SLC25A1: variants seen among roughly 807,000 people sequenced by gnomAD.
SLC25A1 encodes tricarboxylate transport protein, mitochondrial.
SLC25A1 carries 26 observed loss-of-function variants against 38.1 expected under a neutral mutation model. The ratio of observed to expected loss-of-function variants is 0.68; its 90% confidence interval spans 0.50 to 0.95. SLC25A1 has a LOEUF of 0.95. Among genes scored for constraint, SLC25A1 ranks in the 40% least tolerant of loss-of-function variants. SLC25A1 has a pLI of 0.00. For synonymous variants in SLC25A1, 211 were observed against 183.2 expected (o/e 1.15, Z -1.23); for missense variants, 378 against 426.6 (o/e 0.89, Z 1.00).
rs1273672043 is a variant in SLC25A1, at chr22:19,175,767, C to T, written c.*363G>A. The T allele has an allele frequency of 1.9e-5, 4 of 215,506 alleles. No homozygotes were observed. The highest frequency in any genetic ancestry group is 3.6e-5 in the Non-Finnish European group (4 of 111,206). 13.3% of individuals were successfully genotyped at this position (215,506 alleles called of 1,614,324 possible). On this transcript the variant is annotated 3_prime_UTR_variant, in exon 9 of 9. Coordinates refer to ENST00000215882, the MANE Select transcript of SLC25A1 (RefSeq NM_005984.5). The stretch of plus-strand genomic sequence containing the variant: ...CGGAGGCAGCTGTGGTAGGCCAGGG[C>T]AGGGTGGAAGGCACCGGACTGGGAC...
chr22:19,178,112 C>T lies in SLC25A1; in HGVS notation c.202+21G>A, dbSNP rs1327254064. The T allele has an allele frequency of 1.3e-6, 2 of 1,533,842 alleles. No homozygotes were observed. Among genetic ancestry groups the T allele is most frequent in the Non-Finnish European group, 1.8e-6 (2 of 1,140,444 alleles). ...CCCTGGGTACCCGCCCCCCGCGGCGCCGCGGCCTCCCCCTCCTCACCGATG... is the reference window on the plus strand; with the variant it reads ...CCCTGGGTACCCGCCCCCCGCGGCGTCGCGGCCTCCCCCTCCTCACCGATG... On this transcript the variant is annotated intron_variant, in intron 2 of 8. Coordinates refer to ENST00000215882, the MANE Select transcript of SLC25A1 (RefSeq NM_005984.5). The surrounding 1 kb of genome is among the most constrained non-coding windows in gnomAD (Gnocchi z 4.9).
At position 19,176,346 on chromosome 22, in the gene SLC25A1, G is replaced by A. The variant is rs961630486; in HGVS notation, c.821+75C>T. On this transcript the variant is annotated intron_variant, in intron 8 of 8. Transcript: ENST00000215882. The stretch of plus-strand genomic sequence containing the variant: ...AGTGAGAGGCACAGAGGCCTGAAGG[G>A]GACAGAGTGGGCAGGCCAGGTAGGC... 2.6e-6 allele frequency: 4 copies of A among 1,563,386 alleles called. No individual in the cohort carries two copies. In the African/African-American group the frequency reaches 4.1e-5, roughly 16 times the overall value.
At position 19,178,159 on chromosome 22, in the gene SLC25A1, G is replaced by A. The variant is rs2084000468; in HGVS notation, c.176C>T (p.Ser59Leu). 6 of 1,546,944 alleles carry A rather than the reference G, an allele frequency of 3.9e-6. No homozygotes were observed. Among genetic ancestry groups the A allele is most frequent in the Non-Finnish European group, 4.4e-6 (5 of 1,146,148 alleles). The change falls in exon 2 of 9, where the codon TCG (serine) becomes TTG (leucine). Residue 59 changes from serine (S) to leucine (L), a missense_variant. Transcript: ENST00000215882. The surrounding 1 kb of genome is among the most constrained non-coding windows in gnomAD (Gnocchi z 4.9). The stretch of plus-strand genomic sequence containing the variant: ...GATGCCCCGGTACCGCGGCGGGTGC[G>A]AGCGCTCGTCCAGCTGCAGCTGCGT... ...VKTQLQLDER[S>L]HPPRYRGIGD... is the part of the protein sequence containing the mutation.
At position 19,176,055 on chromosome 22, in the gene SLC25A1, C is replaced by T; in HGVS notation, c.*75G>A. 8.7e-7 allele frequency: 1 copy of T among 1,145,876 alleles called. No individual in the cohort carries two copies. Among genetic ancestry groups the T allele is most frequent in the Non-Finnish European group, 1.2e-6 (1 of 807,640 alleles). The allele number at this position is 1,145,876 out of a possible 1,614,324, so 71.0% of individuals were successfully genotyped here. A position where few individuals can be genotyped will look rare whatever the true frequency, so the allele number is the denominator to read the frequency against. ...GGGAAGGGGCCTTTTGGCACTACTG[C>T]ACTGGAATCGTGAGACAAAGGTAGC... On this transcript the variant is annotated 3_prime_UTR_variant, in exon 9 of 9. Transcript: ENST00000215882.
chr22:19,177,582 G>T, intron 4 of SLC25A1, 145 bp downstream of exon 4: 1 of 1,118,970 alleles, frequency 8.9e-7, no homozygotes, highest in South Asian at 1.5e-5. Context: ...TCCTGCCCCA[G>T]GGCCCCGCGG....
rs1306191501 is a variant in SLC25A1 at position 19,176,590 on chromosome 22, C to T, written c.735G>A (p.Lys245=). ...VFGNTPLDVI[K]TRMQGLEAHK... is the part of the protein sequence containing the mutation. ...CCGGCCCCACCACCTGCATCCGGGTCTTAATCACATCCAGAGGAGTGTTTC... is the reference window on the plus strand; with the variant it reads ...CCGGCCCCACCACCTGCATCCGGGTTTTAATCACATCCAGAGGAGTGTTTC... The change falls in exon 7 of 9, where the codon AAG becomes AAA. Residue 245 remains lysine (K), a synonymous_variant. Coordinates refer to ENST00000215882, the MANE Select transcript of SLC25A1 (RefSeq NM_005984.5). The T allele has an allele frequency of 6.2e-7, 1 of 1,613,468 alleles. No individual in the cohort carries two copies. The highest frequency in any genetic ancestry group is 1.7e-5 in the Admixed American group (1 of 60,006).
chr22:19,178,052 G>A lies in SLC25A1; in HGVS notation c.203-11C>T, dbSNP rs1458012353. On this transcript the variant is annotated splice_polypyrimidine_tract_variant and intron_variant, in intron 2 of 8. Coordinates refer to ENST00000215882, the MANE Select transcript of SLC25A1 (RefSeq NM_005984.5). The surrounding 1 kb of genome is among the most constrained non-coding windows in gnomAD (Gnocchi z 4.9). ...GCCGCACGCAGTCCCCTGGGGGAGGGGGCGGTCAGGACCCCACGGCCCTCG... is the reference window on the plus strand; with the variant it reads ...GCCGCACGCAGTCCCCTGGGGGAGGAGGCGGTCAGGACCCCACGGCCCTCG... 3.8e-6 allele frequency: 6 copies of A among 1,575,368 alleles called. No individual in the cohort carries two copies. The African/African-American group carries it at 4.0e-5, about 11-fold the overall frequency.
Position 19,178,711 on chromosome 22 carries a change from G to T in SLC25A1, c.-38C>A. On this transcript the variant is annotated 5_prime_UTR_variant, in exon 1 of 9. Transcript: ENST00000215882. This position sits in a 1 kb window ranked among gnomAD's most constrained non-coding sequence, Gnocchi z 4.9. ...GCGGGGCGCCCTGTGGCGGCTTCGG[G>T]TCCGAGACTCCAGAACTCCGCGCTC... 6.2e-6 allele frequency: 6 copies of T among 973,792 alleles called. No homozygotes were observed. Among genetic ancestry groups the T allele is most frequent in the Non-Finnish European group, 7.5e-6 (6 of 795,958 alleles). 60.3% of individuals were successfully genotyped at this position (973,792 alleles called of 1,614,324 possible). A position where few individuals can be genotyped will look rare whatever the true frequency, so the allele number is the denominator to read the frequency against.
rs782407543 is a variant in SLC25A1, at chr22:19,176,383, T to A, written c.821+38A>T. On this transcript the variant is annotated intron_variant, in intron 8 of 8. Coordinates refer to ENST00000215882, the MANE Select transcript of SLC25A1 (RefSeq NM_005984.5). ...CAGGCCAGGTAGGCCGGGAAAGGTT[T>A]GAGGTGGGGACAATAGCCCTGCCCC... is the stretch of plus-strand genomic sequence containing the variant. 14 of 1,605,636 alleles carry A rather than the reference T, an allele frequency of 8.7e-6. 1 individual carries two copies. Among genetic ancestry groups the A allele is most frequent in the Non-Finnish European group, 8.5e-7 (1 of 1,173,226 alleles).
In SLC25A1 at chr22:19,176,857, T is replaced by A; in HGVS notation, c.620A>T (p.Asn207Ile). Residue 207 changes from asparagine (N) to isoleucine (I), a missense_variant, in exon 6 of 9, where the codon AAC becomes ATC. Physicochemically the swap from Asn to Ile is moderately radical, Grantham distance 149 (BLOSUM62 -3). Coordinates refer to ENST00000215882, the MANE Select transcript of SLC25A1 (RefSeq NM_005984.5). The part of the protein sequence containing the change: ...IRFFVMTSLR[N>I]WYRGDNPNKP... ...TGATGCAGACACACCTCGGTACCAG[T>A]TGCGCAGGGAGGTCATGACGAAGAA... 6.2e-7 allele frequency: 1 copy of A among 1,613,690 alleles called. No homozygotes were observed. Among genetic ancestry groups the A allele is most frequent in the Non-Finnish European group, 8.5e-7 (1 of 1,179,944 alleles).
At position 19,178,387 on chromosome 22, in the gene SLC25A1, C is replaced by G; in HGVS notation, c.95-147G>C. 7.1e-7 allele frequency: 1 copy of G among 1,409,746 alleles called. No homozygotes were observed. The highest frequency in any genetic ancestry group is 9.2e-7 in the Non-Finnish European group (1 of 1,085,752). 87.3% of individuals were successfully genotyped at this position (1,409,746 alleles called of 1,614,324 possible). A position where few individuals can be genotyped will look rare whatever the true frequency, so the allele number is the denominator to read the frequency against. ...GGGCCCCACGCCCCCATGCCCTCAC[C>G]CCGTTGTCCCGGCGAGGCGCAGGGG... On this transcript the variant is annotated intron_variant, in intron 1 of 8. Transcript: ENST00000215882. This position sits in a 1 kb window ranked among gnomAD's most constrained non-coding sequence, Gnocchi z 4.9.
In SLC25A1 at chr22:19,176,049, C is replaced by T; in HGVS notation, c.*81G>A. On this transcript the variant is annotated 3_prime_UTR_variant, in exon 9 of 9. Transcript: ENST00000215882. ...GGACGTGGGAAGGGGCCTTTTGGCA[C>T]TACTGCACTGGAATCGTGAGACAAA... The T allele has an allele frequency of 8.9e-7, 1 of 1,125,600 alleles. No individual in the cohort carries two copies. The highest frequency in any genetic ancestry group is 1.3e-5 in the South Asian group (1 of 79,478). 69.7% of individuals were successfully genotyped at this position (1,125,600 alleles called of 1,614,324 possible). A position where few individuals can be genotyped will look rare whatever the true frequency, so the allele number is the denominator to read the frequency against.
chr22:19,177,617 T>C (rs1285426266), intron 4 of SLC25A1, 110 bp downstream of exon 4: 57 of 1,479,772 alleles, frequency 3.9e-5, no homozygotes, highest in Middle Eastern at 2.4e-4. Flanking sequence ...TTCCCTGGCG[T>C]CCAGGAGACC....
rs782807625 is a variant in SLC25A1 at position 19,176,898 on chromosome 22, C to T, written c.579G>A (p.Ser193=). The T allele has an allele frequency of 7.4e-6, 12 of 1,613,660 alleles. No homozygotes were observed. The highest frequency in any genetic ancestry group is 1.6e-4 in the Middle Eastern group (1 of 6,080). Residue 193 remains serine (S), a synonymous_variant, in exon 6 of 9, where the codon TCG becomes TCA. Transcript: ENST00000215882. ...TGACGAAGAAGCGGATGGCCTGGTTCGAGCCCTGCTTCAGGACAGTGGCTG... is the reference window on the plus strand; with the variant it reads ...TGACGAAGAAGCGGATGGCCTGGTTTGAGCCCTGCTTCAGGACAGTGGCTG... ...GLTATVLKQG[S]NQAIRFFVMT... is the part of the protein sequence containing the mutation.
rs1218036198 is a variant in SLC25A1 at position 19,176,691 on chromosome 22, C to A, written c.634G>T (p.Asp212Tyr). ...MTSLRNWYRG[D>Y]NPNKPMNPLI... is the part of the protein sequence containing the mutation. ...GGGTTCATGGGCTTGTTGGGGTTGTCCCCTGGATATAGGAGGGGTGAGGTG... is the reference window on the plus strand; with the variant it reads ...GGGTTCATGGGCTTGTTGGGGTTGTACCCTGGATATAGGAGGGGTGAGGTG... The change falls in exon 7 of 9, where the codon GAC becomes TAC. Residue 212 changes from aspartate to tyrosine, a missense_variant and splice_region_variant. Transcript: ENST00000215882. 1.9e-6 allele frequency: 3 copies of A among 1,613,306 alleles called. No individual in the cohort carries two copies. In the African/African-American group the frequency reaches 4.0e-5, roughly 22 times the overall value.
rs576953743 is a variant in SLC25A1 at position 19,178,426 on chromosome 22, G to A, written c.94+154C>T. ...GAGGCGCAGGGGGTGACAGACGGGA[G>A]GCGGGCGAGTCCCAGCGCGCCGGGT... On this transcript the variant is annotated intron_variant, in intron 1 of 8. Coordinates refer to ENST00000215882, the MANE Select transcript of SLC25A1 (RefSeq NM_005984.5). This position sits in a 1 kb window ranked among gnomAD's most constrained non-coding sequence, Gnocchi z 4.9. The A allele has an allele frequency of 2.1e-5, 29 of 1,377,366 alleles. No homozygotes were observed. In the South Asian group the frequency reaches 2.9e-4, roughly 14 times the overall value. The allele number at this position is 1,377,366 out of a possible 1,614,324, so 85.3% of individuals were successfully genotyped here.
chr22:19,177,869 G>A lies in SLC25A1; in HGVS notation c.303-4C>T, dbSNP rs1555923032. 8 of 1,597,366 alleles carry A rather than the reference G, an allele frequency of 5.0e-6. No individual in the cohort carries two copies. The highest frequency in any genetic ancestry group is 1.8e-5 in the Admixed American group (1 of 57,060). On this transcript the variant is annotated splice_region_variant and splice_polypyrimidine_tract_variant and intron_variant, in intron 3 of 8. Transcript: ENST00000215882. The stretch of plus-strand genomic sequence containing the variant: ...GAGGAACTCGAACATTCCAAACCTG[G>A]AGGCGGGAGGCGGGTGAGAGGGGCT...
chr22:19,176,310 C>T (rs1555922249), intron 8 of SLC25A1, 66 bp from the exon 9 acceptor site: 3 of 1,554,466 alleles, frequency 1.9e-6, no homozygotes, highest in Non-Finnish European at 2.7e-6. Context: ...AGGGCAATCC[C>T]CAGATACTGA....
chr22:19,177,339 C>T (rs1196557182), intron 4 of SLC25A1, 135 bp from the exon 5 acceptor site: 7 of 699,968 alleles, frequency 1.0e-5, no homozygotes, highest in African/African-American at 3.6e-5. Flanking sequence ...CCAAGGCCGC[C>T]CTGGGCTGCC....
Sources: gnomAD v4.1 joint callset for allele counts on GRCh38, gnomAD v4.1.1 for gene constraint, Gnocchi (gnomAD v3.1) non-coding constraint, MANE v1.5 for transcripts, NCBI Gene and HGNC (gene_info 2026-07-23, HGNC 2026-07-21) for gene names.